The following SND1 variants were observed in gnomAD, a reference collection of about 807,000 sequenced individuals.
The protein encoded by SND1 is staphylococcal nuclease and tudor domain containing 1.
In SND1, 38 loss-of-function variants were observed where a neutral mutation model predicts 121.7. The ratio of observed to expected loss-of-function variants is 0.31; its 90% CI spans 0.24 to 0.41. The LOEUF is 0.41. Among genes scored for constraint, SND1 ranks in the 10% least tolerant of loss-of-function variants. SND1 has a pLI of 1.00. For missense variants in SND1, 868 were observed against 1,184.6 expected (o/e 0.73, Z 3.92); for synonymous variants, 401 against 447.4 (o/e 0.90, Z 1.31).
chr7:128,006,593 T>C (rs1802983741), intron 16 of SND1, among the ~76,000 whole-genome samples: 1 of 152,260 alleles, frequency 6.6e-6, no homozygotes, highest in Non-Finnish European at 1.5e-5. Context: ...CTAACCCAGC[T>C]GCTGCTTCTC....
intron 16 of SND1, among the ~76,000 whole-genome samples, chr7:128,043,009 A>T (rs1232682007): frequency 6.6e-6 from 1 of 152,238 alleles, no homozygotes; most frequent in African/African-American, 2.4e-5. Context: ...GTAATGAAGA[A>T]CTTTCTAAGG....
At chr7:127,703,889 C>G (rs2116344600) in intron 7 of SND1, among the ~76,000 whole-genome samples, 1 of 152,202 alleles carries the variant, frequency 6.6e-6, no homozygotes, top group Non-Finnish European at 1.5e-5. Flanking sequence ...ACTGTTTGGT[C>G]CTAGGGGTTG....
intron 11 of SND1, among the ~76,000 whole-genome samples, chr7:127,832,853 G>A (rs568260659): frequency 6.6e-6 from 1 of 152,334 alleles, no homozygotes; most frequent in South Asian, 2.1e-4. Context: ...ATCAGCAGCA[G>A]CATTAGATTC....
At chr7:127,770,814 A>G (rs376811437) in intron 10 of SND1, among the ~76,000 whole-genome samples, 5 of 152,168 alleles carry the variant, frequency 3.3e-5, no homozygotes, top group African/African-American at 9.7e-5. Flanking sequence ...AATTGCTTCT[A>G]TATGCTTATT....
intron 11 of SND1, among the ~76,000 whole-genome samples, chr7:127,843,292 G>A (rs915078852): frequency 6.6e-6 from 1 of 152,078 alleles, no homozygotes; most frequent in Non-Finnish European, 1.5e-5. Flanking sequence ...TATATCATCT[G>A]TGGGCTTTGA....
chr7:128,054,532 G>A (rs1019487423), intron 16 of SND1, among the ~76,000 whole-genome samples: 2 of 152,206 alleles, frequency 1.3e-5, no homozygotes, highest in Non-Finnish European at 2.9e-5. Flanking sequence ...TGCCTTGCAC[G>A]GAGGTTGGCA....
chr7:127,694,895 T>C lies in SND1; in HGVS notation c.296T>C (p.Ile99Thr), dbSNP rs1437318291. 6.2e-7 allele frequency: 1 copy of C among 1,613,962 alleles called. No homozygotes were observed. Among genetic ancestry groups the C allele is most frequent in the Admixed American group, 1.7e-5 (1 of 60,000 alleles). ...KLIGKEVCFT[I>T]ENKTPQGREY... ...ATTGGGAAGGAAGTCTGTTTCACGATAGAAAACAAGACTCCCCAGGGGCGA... is the reference window on the plus strand; with the variant it reads ...ATTGGGAAGGAAGTCTGTTTCACGACAGAAAACAAGACTCCCCAGGGGCGA... Residue 99 changes from isoleucine to threonine, a missense_variant, in exon 3 of 24, where the codon ATA becomes ACA. Ile to Thr is a moderately conservative substitution (Grantham distance 89). Coordinates refer to ENST00000354725, the MANE Select transcript of SND1 (RefSeq NM_014390.4).
intron 10 of SND1, among the ~76,000 whole-genome samples, chr7:127,729,535 G>C (rs1005339818): frequency 2.0e-5 from 3 of 150,838 alleles, no homozygotes; most frequent in Non-Finnish European, 2.9e-5. Context: ...CTGGGCTGTA[G>C]GTTTCATTCC....
intron 16 of SND1, among the ~76,000 whole-genome samples, chr7:128,048,111 G>A (rs757931765): frequency 4.6e-5 from 7 of 152,154 alleles, no homozygotes; most frequent in Non-Finnish European, 1.0e-4. Flanking sequence ...CTCCCAAAGT[G>A]CTGGGATTAC....
chr7:127,782,110 T>C (rs1246450448), intron 10 of SND1, among the ~76,000 whole-genome samples: 1 of 152,346 alleles, frequency 6.6e-6, no homozygotes, highest in Non-Finnish European at 1.5e-5. Flanking sequence ...GGCTGGATCC[T>C]CAGTAACTAT....
intron 11 of SND1, among the ~76,000 whole-genome samples, chr7:127,815,063 A>G (rs1033539664): frequency 6.6e-6 from 1 of 152,050 alleles, no homozygotes; most frequent in African/African-American, 2.4e-5. Flanking sequence ...CTGAGCAGTT[A>G]TCTTCTTCTG....
At chr7:128,024,929 G>A (rs1377689645) in intron 16 of SND1, among the ~76,000 whole-genome samples, 1 of 152,178 alleles carries the variant, frequency 6.6e-6, no homozygotes, top group Non-Finnish European at 1.5e-5. Context: ...GGTGTTTTAA[G>A]ACCTCCTCCA....
intron 9 of SND1, among the ~76,000 whole-genome samples, chr7:127,708,523 C>T (rs539027203): frequency 1.3e-5 from 2 of 152,120 alleles, no homozygotes; most frequent in East Asian, 3.9e-4. Flanking sequence ...AACCCTGGTG[C>T]AAATCAAGGA....
chr7:127,858,210 T>A (rs1381240230), intron 12 of SND1: 2 of 785,656 alleles, frequency 2.5e-6, no homozygotes, highest in Non-Finnish European at 4.6e-6. Flanking sequence ...AACTGTTCCC[T>A]CGTTTCCTGG....
At chr7:127,731,517 T>C (rs1243196669) in intron 10 of SND1, among the ~76,000 whole-genome samples, 1 of 152,188 alleles carries the variant, frequency 6.6e-6, no homozygotes, top group African/African-American at 2.4e-5. Flanking sequence ...CCTTCGCAGA[T>C]TGCCCCGTGG....
intron 16 of SND1, among the ~76,000 whole-genome samples, chr7:128,051,359 C>A (rs749490683): frequency 6.6e-6 from 1 of 150,664 alleles, no homozygotes; most frequent in Non-Finnish European, 1.5e-5. Flanking sequence ...GCTGCAGCTT[C>A]CAATGTGAGA....
At chr7:127,692,836 G>A (rs1283700536) in intron 2 of SND1, among the ~76,000 whole-genome samples, 1 of 152,230 alleles carries the variant, frequency 6.6e-6, no homozygotes, top group East Asian at 1.9e-4. Context: ...TAACTAACCA[G>A]CTGGAAAACA....
At chr7:127,767,246 A>G (rs1160375768) in intron 10 of SND1, among the ~76,000 whole-genome samples, 1 of 152,026 alleles carries the variant, frequency 6.6e-6, no homozygotes, top group Non-Finnish European at 1.5e-5. Flanking sequence ...CCACTGTTTA[A>G]TGTAGTAGAC....
intron 15 of SND1, among the ~76,000 whole-genome samples, chr7:127,980,748 A>G (rs2116900903): frequency 6.6e-6 from 1 of 152,322 alleles, no homozygotes; most frequent in South Asian, 2.1e-4. Context: ...AATTTATGCA[A>G]GTAAGTAGCT....
Sources: gnomAD v4.1 joint callset for allele counts (sites outside exome capture counted in the v4.1 genomes callset) on GRCh38, gnomAD v4.1.1 for gene constraint, MANE v1.5 for transcripts, NCBI Gene and HGNC (gene_info 2026-07-23, HGNC 2026-07-21) for gene names.